The following LRRK1 variants were observed in gnomAD, a reference collection of about 807,000 sequenced individuals.
The protein encoded by LRRK1 is leucine rich repeat kinase 1, also known as leucine-rich repeat serine/threonine-protein kinase 1.
Under a neutral mutation model 209.1 loss-of-function variants are expected in LRRK1, and 113 were observed. The observed-to-expected ratio is 0.54, with a 90% CI of 0.46 to 0.63. LRRK1 has a LOEUF of 0.63. Ranked by LOEUF, LRRK1 falls within the 30% of genes least tolerant of loss-of-function variation. The probability of loss-of-function intolerance (pLI) is 0.00; values close to 1 mark genes in which losing one functional copy is unlikely to be tolerated. For missense variants in LRRK1, 2,284 were observed against 2,632.2 expected, an observed-to-expected ratio of 0.87 and a Z score of 2.89; for synonymous variants, 1,144 against 1,099.7, an observed-to-expected ratio of 1.04 and a Z score of -0.80.
intron 2 of LRRK1, among the ~76,000 whole-genome samples, chr15:100,959,174 C>T (rs1396747514): frequency 1.3e-5 from 2 of 152,134 alleles, no homozygotes; most frequent in Non-Finnish European, 2.9e-5. Context: ...ATTCTGTACC[C>T]CTGTGGCCGT....
chr15:101,019,636 C>CGGGGTA (rs1286050274), intron 12 of LRRK1, among the ~76,000 whole-genome samples: 3 of 152,114 alleles, frequency 2.0e-5, no homozygotes, highest in East Asian at 3.8e-4. Context: ...AGAGCCGAGG[C>CGGGGTA]GGGGTAGCTA....
intron 2 of LRRK1, among the ~76,000 whole-genome samples, 185 bp downstream of exon 2, chr15:100,924,914 A>G (rs780608039): frequency 3.3e-5 from 5 of 152,244 alleles, no homozygotes; most frequent in Non-Finnish European, 5.9e-5. Context: ...GGAACAGTGT[A>G]CAAAATTTAT....
At position 101,026,036 on chromosome 15, in the gene LRRK1, G is replaced by C; in HGVS notation, c.2304G>C (p.Val768=). The change falls in exon 17 of 34, where the codon GTG becomes GTC. Residue 768 remains valine, a synonymous_variant. Coordinates refer to ENST00000388948, the MANE Select transcript of LRRK1 (RefSeq NM_024652.6). The part of the protein sequence containing the change: ...HLDLIEAKFR[V]ERIATLRAYV... ...ATTTAATTGAAGCCAAGTTCCGTGT[G>C]GAAAGGATTGCAACGCTGCGTGCCT... is the stretch of plus-strand genomic sequence containing the variant. 6.2e-7 allele frequency: 1 copy of C among 1,614,270 alleles called. No individual in the cohort carries two copies.
At chr15:101,019,510 GGGCAGATTTTCCA>G (rs2033684259) in intron 12 of LRRK1, among the ~76,000 whole-genome samples, 2 of 152,236 alleles carry the variant, frequency 1.3e-5, no homozygotes, top group Admixed American at 1.3e-4. Context: ...ACAGCTAGCT[GGGCAGATTTTCCA>G]GGCATTGGTT....
intron 6 of LRRK1, among the ~76,000 whole-genome samples, chr15:100,989,923 CT>C (rs1216270961): frequency 2.6e-5 from 4 of 151,162 alleles, no homozygotes; most frequent in Admixed American, 2.6e-4. Context: ...TAACATATTT[CT>C]TTTTTAAATT....
intron 3 of LRRK1, chr15:100,974,182 T>C: frequency 2.5e-6 from 1 of 403,722 alleles, no homozygotes; most frequent in Non-Finnish European, 4.3e-6. Context: ...CACCTTTTCA[T>C]GGGAGGCCTT....
At chr15:101,035,856 A>G (rs1262501252) in intron 20 of LRRK1, among the ~76,000 whole-genome samples, 3 of 151,952 alleles carry the variant, frequency 2.0e-5, no homozygotes, top group Non-Finnish European at 4.4e-5. Context: ...GTGTGTTTTC[A>G]TGATGTTAAA....
chr15:101,051,964 T>C lies in LRRK1; in HGVS notation c.3689+4T>C. 1 of 1,612,148 alleles carries C rather than the reference T, an allele frequency of 6.2e-7. No individual in the cohort carries two copies. The highest frequency in any genetic ancestry group is 8.5e-7 in the Non-Finnish European group (1 of 1,178,976). On this transcript the variant is annotated splice_donor_region_variant and intron_variant, in intron 24 of 33. Transcript: ENST00000388948. ...TCATGACCGACTTCCCGGCCAGGTA[T>C]GCCCCGAAGGCCCCTCCCAGAACAC... is the stretch of plus-strand genomic sequence containing the variant.
chr15:100,978,882 T>TG (rs1379200740), intron 3 of LRRK1, among the ~76,000 whole-genome samples: 1 of 151,560 alleles, frequency 6.6e-6, no homozygotes, highest in African/African-American at 2.4e-5. Context: ...GGAACATTTT[T>TG]TAACACTTTT....
chr15:101,063,228 G>A (rs1425597701), intron 31 of LRRK1, among the ~76,000 whole-genome samples: 3 of 152,132 alleles, frequency 2.0e-5, no homozygotes, highest in African/African-American at 7.2e-5. Flanking sequence ...GACCCCAAGG[G>A]GCACTCTCCC....
At chr15:100,934,751 A>G (rs1388514603) in intron 2 of LRRK1, among the ~76,000 whole-genome samples, 1 of 149,386 alleles carries the variant, frequency 6.7e-6, no homozygotes, top group Non-Finnish European at 1.5e-5. Context: ...TGCAGTGAGC[A>G]GAGATCACAC....
intron 2 of LRRK1, among the ~76,000 whole-genome samples, chr15:100,956,637 GT>G (rs1468291037): frequency 6.6e-6 from 1 of 151,330 alleles, no homozygotes; most frequent in Non-Finnish European, 1.5e-5. Context: ...GCTAATTTTT[GT>G]GTTTTTAGTA....
At position 101,051,778 on chromosome 15, in the gene LRRK1, G is replaced by A. The variant is rs1184519780; in HGVS notation, c.3507G>A (p.Glu1169=). Residue 1169 remains glutamate, a synonymous_variant, in exon 24 of 34, where the codon GAG becomes GAA. Coordinates refer to ENST00000388948, the MANE Select transcript of LRRK1 (RefSeq NM_024652.6). ...MEQYVPCPVC[E]TAWAQHTDPS... ...AGTACGTGCCCTGCCCGGTCTGCGA[G>A]ACAGCCTGGGCCCAGCACACGGACC... The A allele has an allele frequency of 6.2e-7, 1 of 1,614,072 alleles. No individual in the cohort carries two copies.
chr15:100,960,408 C>T (rs1254914565), intron 2 of LRRK1, among the ~76,000 whole-genome samples: 1 of 151,294 alleles, frequency 6.6e-6, no homozygotes, highest in Non-Finnish European at 1.5e-5. Flanking sequence ...CAATCATCTT[C>T]CCCAAAATCG....
At chr15:100,973,101 G>A (rs981158271) in intron 2 of LRRK1, among the ~76,000 whole-genome samples, 1 of 152,238 alleles carries the variant, frequency 6.6e-6, no homozygotes, top group African/African-American at 2.4e-5. Flanking sequence ...GCGAGGGCTC[G>A]GCCTGCCGTG....
intron 9 of LRRK1, 84 bp from the exon 10 acceptor site, chr15:101,011,924 A>T (rs892617334): frequency 1.0e-6 from 1 of 972,084 alleles, no homozygotes. Flanking sequence ...CATTTTTAAC[A>T]TCAAATTTGG....
intron 3 of LRRK1, among the ~76,000 whole-genome samples, chr15:100,980,424 G>C (rs1256607870): frequency 2.0e-5 from 3 of 152,212 alleles, no homozygotes; most frequent in Non-Finnish European, 2.9e-5. Flanking sequence ...AAAAGGAAGA[G>C]AATGAGTGAG....
rs2036848779 is a variant in LRRK1, at chr15:101,072,767, C to T, written c.*3919C>T. 6.6e-6 allele frequency: 1 copy of T among 152,292 alleles called. No homozygotes were observed. The highest frequency in any genetic ancestry group is 2.4e-5 in the African/African-American group (1 of 41,452). 9.4% of individuals were successfully genotyped at this position (152,292 alleles called of 1,614,324 possible). A position where few individuals can be genotyped will look rare whatever the true frequency, so the allele number is the denominator to read the frequency against. On this transcript the variant is annotated 3_prime_UTR_variant, in exon 34 of 34. Transcript: ENST00000388948. The stretch of plus-strand genomic sequence containing the variant: ...TCCTGCCCGCCAGAGAACAAACCCC[C>T]TTTTTCCTTTACCTACCCAAATCTT...
rs1288255101 is a variant in LRRK1, at chr15:101,009,172, G to A, written c.989+109G>A. On this transcript the variant is annotated intron_variant, in intron 7 of 33. Transcript: ENST00000388948. ...GTGGTTTTGGGGGAAAAATGTTCTG[G>A]CTAAAATAGGAGAAGGAGTTTTGCC... is the stretch of plus-strand genomic sequence containing the variant. 4 of 853,636 alleles carry A rather than the reference G, an allele frequency of 4.7e-6. No homozygotes were observed. The Admixed American group carries it at 9.7e-5, about 21-fold the overall frequency. The allele number at this position is 853,636 out of a possible 1,614,324, so 52.9% of individuals were successfully genotyped here.
Sources: allele counts gnomAD v4.1 joint callset (sites outside exome capture counted in the v4.1 genomes callset), GRCh38; gene constraint gnomAD v4.1.1; transcripts MANE v1.5; gene names NCBI Gene and HGNC (gene_info 2026-07-23, HGNC 2026-07-21).